SLC7A11: variants seen among roughly 807,000 people sequenced by gnomAD.
The protein encoded by SLC7A11 is cystine/glutamate transporter.
A neutral mutation model predicts 54.5 loss-of-function variants in SLC7A11; 35 were observed. The observed-to-expected ratio is 0.64, with a 90% confidence interval of 0.49 to 0.85. The LOEUF (loss-of-function observed/expected upper bound fraction) is 0.85, where lower values mean the gene tolerates loss of function less well. Among genes scored for constraint, SLC7A11 ranks in the 40% least tolerant of loss-of-function variants. The probability of loss-of-function intolerance (pLI) is 0.00; values close to 1 mark genes in which losing one functional copy is unlikely to be tolerated. For synonymous variants in SLC7A11, 230 were observed against 225.2 expected (o/e 1.02, Z -0.19); for missense variants, 583 against 618.1 (o/e 0.94, Z 0.60).
At chr4:138,223,623 T>A (rs1427012992) in intron 3 of SLC7A11, among the ~76,000 whole-genome samples, 1 of 152,174 alleles carries the variant, frequency 6.6e-6, no homozygotes, top group African/African-American at 2.4e-5. Flanking sequence ...ATTGTAGTAC[T>A]CTAACAATCA....
chr4:138,226,010 A>G (rs559958934), intron 3 of SLC7A11, among the ~76,000 whole-genome samples: 3 of 152,290 alleles, frequency 2.0e-5, no homozygotes, highest in African/African-American at 7.2e-5. Context: ...CATAAAGAGT[A>G]TAAGTACCTA....
At position 138,185,187 on chromosome 4, in the gene SLC7A11, C is replaced by T. The variant is rs780493633; in HGVS notation, c.849G>A (p.Leu283=). Residue 283 remains leucine, a synonymous_variant, in exon 7 of 12, where the codon CTG becomes CTA. Coordinates refer to ENST00000280612, the MANE Select transcript of SLC7A11 (RefSeq NM_014331.4). ...TGGTCGTAAAGTAGGCCACATTTGT[C>T]AGCACATAGCCAATGGTGACAATGG... The part of the protein sequence containing the change: ...SMAIVTIGYV[L]TNVAYFTTIN... 1 of 1,612,970 alleles carries T rather than the reference C, an allele frequency of 6.2e-7. No individual in the cohort carries two copies. The highest frequency in any genetic ancestry group is 8.5e-7 in the Non-Finnish European group (1 of 1,179,234).
At chr4:138,198,401 C>T (rs542683066) in intron 6 of SLC7A11, among the ~76,000 whole-genome samples, 3 of 152,182 alleles carry the variant, frequency 2.0e-5, no homozygotes, top group African/African-American at 7.2e-5. Context: ...TGATGAATCA[C>T]CAATATTCAT....
intron 6 of SLC7A11, among the ~76,000 whole-genome samples, chr4:138,209,865 C>G (rs561712016): frequency 1.3e-5 from 2 of 151,950 alleles, no homozygotes; most frequent in Admixed American, 1.3e-4. Context: ...ACTACCAACA[C>G]CATTGTTCAC....
At chr4:138,183,081 T>C (rs773846504) in intron 8 of SLC7A11, 121 bp downstream of exon 8, 1 of 687,272 alleles carries the variant, frequency 1.5e-6, no homozygotes, top group Non-Finnish European at 2.5e-6. Flanking sequence ...ATTTCAATCT[T>C]GCATGTCCCT....
At chr4:138,211,249 G>A (rs1433184777) in intron 6 of SLC7A11, among the ~76,000 whole-genome samples, 3 of 151,798 alleles carry the variant, frequency 2.0e-5, no homozygotes, top group African/African-American at 4.8e-5. Context: ...GAGTAAGGAC[G>A]GCAAGAGTGG....
intron 4 of SLC7A11, among the ~76,000 whole-genome samples, chr4:138,222,048 A>T (rs1285151685): frequency 6.6e-6 from 1 of 152,232 alleles, no homozygotes; most frequent in African/African-American, 2.4e-5. Flanking sequence ...AAGGTGTATT[A>T]GAAGAGCAAG....
intron 3 of SLC7A11, among the ~76,000 whole-genome samples, chr4:138,223,615 T>C (rs978240560): frequency 2.6e-5 from 4 of 152,156 alleles, no homozygotes; most frequent in African/African-American, 9.7e-5. Flanking sequence ...GGACATATAT[T>C]GTAGTACTCT....
Position 138,165,115 on chromosome 4 carries a change from C to G in SLC7A11, c.*6841G>C, listed in dbSNP as rs1484630367. On this transcript the variant is annotated 3_prime_UTR_variant, in exon 12 of 12. Coordinates refer to ENST00000280612, the MANE Select transcript of SLC7A11 (RefSeq NM_014331.4). ...ACAACACACATATTATTTTTCTACC[C>G]CTTGGCAACTGAAAATGAAGTTACC... is the stretch of plus-strand genomic sequence containing the variant. 4.6e-5 allele frequency: 7 copies of G among 152,466 alleles called. No homozygotes were observed. In the East Asian group the frequency reaches 1.2e-3, roughly 25 times the overall value. 9.4% of individuals were successfully genotyped at this position (152,466 alleles called of 1,614,324 possible).
chr4:138,236,850 T>A (rs558018490), intron 1 of SLC7A11, among the ~76,000 whole-genome samples: 107 of 152,314 alleles, frequency 7.0e-4, no homozygotes, highest in African/African-American at 2.4e-3. Context: ...GTCCAAATGT[T>A]TGAGTTAGCT....
At chr4:138,208,339 G>A (rs1243545176) in intron 6 of SLC7A11, among the ~76,000 whole-genome samples, 2 of 151,992 alleles carry the variant, frequency 1.3e-5, no homozygotes, top group African/African-American at 2.4e-5. Context: ...GAAGAACACT[G>A]GAATAAGGCT....
intron 6 of SLC7A11, among the ~76,000 whole-genome samples, chr4:138,192,524 T>G (rs1737035516): frequency 1.3e-5 from 2 of 152,158 alleles, no homozygotes; most frequent in African/African-American, 4.8e-5. Context: ...GTGGGTTGTC[T>G]GTTGTAACAG....
At chr4:138,190,022 A>G (rs553731858) in intron 6 of SLC7A11, among the ~76,000 whole-genome samples, 2 of 152,286 alleles carry the variant, frequency 1.3e-5, no homozygotes, top group South Asian at 4.1e-4. Context: ...TGCAAGTCCA[A>G]ATAGATCATA....
intron 8 of SLC7A11, 80 bp downstream of exon 8, chr4:138,183,122 C>A: frequency 3.0e-6 from 3 of 1,003,422 alleles, no homozygotes; most frequent in Non-Finnish European, 3.0e-6. Flanking sequence ...GGCACTATTT[C>A]TTTTCTTTTT....
chr4:138,225,967 T>C (rs963341067), intron 3 of SLC7A11, among the ~76,000 whole-genome samples: 2 of 152,084 alleles, frequency 1.3e-5, no homozygotes, highest in Non-Finnish European at 2.9e-5. Flanking sequence ...ACTAACTATA[T>C]GTTTGAAAAT....
At chr4:138,228,260 TG>T (rs1737989849) in intron 3 of SLC7A11, among the ~76,000 whole-genome samples, 1 of 152,036 alleles carries the variant, frequency 6.6e-6, no homozygotes, top group Non-Finnish European at 1.5e-5. Context: ...CAACAATTGA[TG>T]GTGTTAGGGA....
intron 6 of SLC7A11, among the ~76,000 whole-genome samples, chr4:138,213,711 C>G (rs1242262256): frequency 1.3e-5 from 2 of 151,974 alleles, no homozygotes. Context: ...ATTTTGGTAC[C>G]AATCACACTG....
chr4:138,241,308 T>C (rs553617239), intron 1 of SLC7A11, among the ~76,000 whole-genome samples: 4 of 152,300 alleles, frequency 2.6e-5, no homozygotes, highest in African/African-American at 7.2e-5. Context: ...ACTTAAAAAA[T>C]ATTTTTATAA....
chr4:138,236,177 A>T (rs1343884546), intron 2 of SLC7A11, 148 bp downstream of exon 2: 2 of 592,766 alleles, frequency 3.4e-6, no homozygotes, highest in Non-Finnish European at 5.6e-6. Flanking sequence ...TCAGAAAGGT[A>T]CTTTATCACA....
Sources: allele counts gnomAD v4.1 joint callset (sites outside exome capture counted in the v4.1 genomes callset), GRCh38; gene constraint gnomAD v4.1.1; transcripts MANE v1.5; gene names NCBI Gene and HGNC (gene_info 2026-07-23, HGNC 2026-07-21).